The following STIM2 variants were observed in gnomAD, a reference collection of about 807,000 sequenced individuals.
The protein encoded by STIM2 is stromal interaction molecule 2.
STIM2 carries 31 observed loss-of-function variants against 85.8 expected under a neutral mutation model. The ratio of observed to expected loss-of-function variants is 0.36; its 90% confidence interval spans 0.27 to 0.49. The LOEUF is 0.49. Among genes scored for constraint, STIM2 ranks in the 20% least tolerant of loss-of-function variants. The probability of loss-of-function intolerance (pLI) is 0.98; values close to 1 mark genes in which losing one functional copy is unlikely to be tolerated. For missense variants in STIM2, 841 were observed against 927.6 expected, an observed-to-expected ratio of 0.91 and a Z score of 1.21; for synonymous variants, 356 against 331.1, an observed-to-expected ratio of 1.08 and a Z score of -0.82.
chr4:26,973,170 G>A lies in STIM2; in HGVS notation c.397+15444G>A, dbSNP rs565089883. Among the ~76,000 whole-genome samples, 207 of 152,028 alleles carry A rather than the reference G, an allele frequency of 1.4e-3. 1 individual carries two copies. The highest frequency in any genetic ancestry group is 4.6e-3 in the African/African-American group (192 of 41,474). ...ATCTTGCTAGCAGTCTATCAATTTT[G>A]TTGATCTTTTCAAAAAACCCGCTCC... On this transcript the variant is annotated intron_variant, in intron 3 of 11. Transcript: ENST00000467087.
intron 1 of STIM2, among the ~76,000 whole-genome samples, chr4:26,869,394 A>G (rs1722526742): frequency 6.6e-6 from 1 of 151,948 alleles, no homozygotes; most frequent in Non-Finnish European, 1.5e-5. Context: ...GGTTAAAGTG[A>G]GAAAGCCAGT....
At chr4:27,008,649 G>A (rs755446301) in intron 9 of STIM2, 115 bp from the exon 10 acceptor site, 740 of 1,188,804 alleles carry the variant, frequency 6.2e-4, no homozygotes, top group Non-Finnish European at 8.2e-4. Flanking sequence ...TTAAGAGTGG[G>A]TTATTTCTTC....
intron 3 of STIM2, among the ~76,000 whole-genome samples, chr4:26,994,184 C>T (rs1253560202): frequency 1.3e-5 from 2 of 152,110 alleles, no homozygotes; most frequent in African/African-American, 4.8e-5. Context: ...GCAGATCTGA[C>T]TGCTGCTCTA....
chr4:26,905,336 C>T (rs1724083255), intron 1 of STIM2, among the ~76,000 whole-genome samples: 1 of 152,108 alleles, frequency 6.6e-6, no homozygotes, highest in South Asian at 2.1e-4. Flanking sequence ...GCAAGGAAGT[C>T]GAGGGTGTTT....
At chr4:26,866,722 G>A (rs556156768) in intron 1 of STIM2, among the ~76,000 whole-genome samples, 112 of 152,212 alleles carry the variant, frequency 7.4e-4, no homozygotes, top group South Asian at 7.0e-3. Flanking sequence ...TGGGGTACTC[G>A]GCTGTATACT....
intron 7 of STIM2, 122 bp downstream of exon 7, chr4:27,003,226 G>GAGGA: frequency 2.2e-6 from 2 of 908,368 alleles, no homozygotes; most frequent in Non-Finnish European, 3.1e-6. Flanking sequence ...GTTGATAAAA[G>GAGGA]ACTCATTTGT....
At chr4:26,885,472 G>A (rs2109039802) in intron 1 of STIM2, among the ~76,000 whole-genome samples, 1 of 152,150 alleles carries the variant, frequency 6.6e-6, no homozygotes, top group East Asian at 1.9e-4. Context: ...ATCAGCATAT[G>A]ATTGTATCAG....
chr4:26,960,347 G>T (rs1008896005), intron 3 of STIM2, among the ~76,000 whole-genome samples: 1 of 152,120 alleles, frequency 6.6e-6, no homozygotes, highest in Admixed American at 6.5e-5. Flanking sequence ...TATTTATACA[G>T]AAAGTGTGTA....
At chr4:26,934,525 C>T (rs963781804) in intron 2 of STIM2, among the ~76,000 whole-genome samples, 1 of 152,174 alleles carries the variant, frequency 6.6e-6, no homozygotes, top group African/African-American at 2.4e-5. Flanking sequence ...CATCATATAG[C>T]ACATTAGTTG....
intron 1 of STIM2, among the ~76,000 whole-genome samples, chr4:26,871,468 A>G (rs759452972): frequency 3.8e-4 from 58 of 152,156 alleles, no homozygotes; most frequent in Non-Finnish European, 1.3e-4. Context: ...TTTGCTATTA[A>G]ATATTCTGAA....
chr4:26,948,418 G>A (rs745503792), intron 2 of STIM2, among the ~76,000 whole-genome samples: 3 of 152,164 alleles, frequency 2.0e-5, no homozygotes, highest in South Asian at 4.1e-4. Flanking sequence ...CAGAGGGGAC[G>A]AACTGGCAGA....
chr4:26,917,353 ATTTT>A, intron 1 of STIM2, among the ~76,000 whole-genome samples: 1 of 151,936 alleles, frequency 6.6e-6, no homozygotes, highest in Non-Finnish European at 1.5e-5. Context: ...TTTTATGAGG[ATTTT>A]TGTCTGTTTT....
intron 3 of STIM2, among the ~76,000 whole-genome samples, chr4:26,987,358 AT>A (rs1428769114): frequency 6.6e-6 from 1 of 152,192 alleles, no homozygotes. Context: ...TGGGTGCAGA[AT>A]CAGGAACCTC....
At chr4:27,000,744 T>C (rs1316887944) in intron 5 of STIM2, among the ~76,000 whole-genome samples, 1 of 152,142 alleles carries the variant, frequency 6.6e-6, no homozygotes, top group East Asian at 1.9e-4. Flanking sequence ...ATGTGCCCCA[T>C]AGTCAGAACA....
At chr4:27,020,840 G>A (rs564926710) in intron 11 of STIM2, among the ~76,000 whole-genome samples, 59 of 152,270 alleles carry the variant, frequency 3.9e-4, no homozygotes, top group African/African-American at 1.4e-3. Flanking sequence ...AGTGAGACAA[G>A]GACCTGGCCT....
Position 27,007,522 on chromosome 4 carries a change from C to G in STIM2, c.982-11C>G, listed in dbSNP as rs1162049012. 8.1e-5 allele frequency: 121 copies of G among 1,484,774 alleles called. No homozygotes were observed. Among genetic ancestry groups the G allele is most frequent in the Non-Finnish European group, 1.1e-4 (119 of 1,110,888 alleles). 92.0% of individuals were successfully genotyped at this position (1,484,774 alleles called of 1,614,324 possible). ...CTCTCCTTTCTTGCCTCCTTCCTTT[C>G]CTTCTTCTAGGTTCGCATGGCTCTG... On this transcript the variant is annotated splice_polypyrimidine_tract_variant and intron_variant, in intron 7 of 11. Coordinates refer to ENST00000467087, the MANE Select transcript of STIM2 (RefSeq NM_020860.4).
chr4:26,960,851 G>A (rs971981232), intron 3 of STIM2, among the ~76,000 whole-genome samples: 7 of 152,008 alleles, frequency 4.6e-5, no homozygotes, highest in African/African-American at 7.3e-5. Flanking sequence ...AGCACCTGAG[G>A]TCAGGAGTTC....
intron 1 of STIM2, among the ~76,000 whole-genome samples, chr4:26,868,105 T>A (rs1462022797): frequency 6.6e-6 from 1 of 152,228 alleles, no homozygotes; most frequent in African/African-American, 2.4e-5. Context: ...AATTTCAGGA[T>A]TAAGGCTAGG....
At chr4:26,877,405 C>CT (rs1278900218) in intron 1 of STIM2, among the ~76,000 whole-genome samples, 4 of 151,822 alleles carry the variant, frequency 2.6e-5, no homozygotes, top group Non-Finnish European at 5.9e-5. Flanking sequence ...TTTCCTTTAC[C>CT]TTTTTTAACA....
Sources: allele counts gnomAD v4.1 joint callset (sites outside exome capture counted in the v4.1 genomes callset), GRCh38; gene constraint gnomAD v4.1.1; transcripts MANE v1.5; gene names NCBI Gene and HGNC (gene_info 2026-07-23, HGNC 2026-07-21).